MYRIP: variants seen among roughly 807,000 people sequenced by gnomAD.
MYRIP encodes rab effector MyRIP.
MYRIP carries 49 observed loss-of-function variants against 98.0 expected under a neutral mutation model. The observed-to-expected ratio is 0.50, with a 90% CI of 0.40 to 0.63. The LOEUF (loss-of-function observed/expected upper bound fraction) is 0.63, where lower values mean the gene tolerates loss of function less well. Ranked by LOEUF, MYRIP falls within the 30% of genes least tolerant of loss-of-function variation. MYRIP has a pLI of 0.00. For missense variants in MYRIP, 1,004 were observed against 1,058.2 expected (o/e 0.95, Z 0.71); for synonymous variants, 404 against 409.5 (o/e 0.99, Z 0.16).
At chr3:40,069,417 A>G (rs549885149) in intron 3 of MYRIP, among the ~76,000 whole-genome samples, 1 of 148,670 alleles carries the variant, frequency 6.7e-6, no homozygotes, top group Non-Finnish European at 1.5e-5. Flanking sequence ...TTTGCTTTTT[A>G]AAGTGTGATA....
At chr3:39,909,779 T>G (rs1231864873) in intron 2 of MYRIP, among the ~76,000 whole-genome samples, 1 of 152,198 alleles carries the variant, frequency 6.6e-6, no homozygotes, top group East Asian at 1.9e-4. Flanking sequence ...AGAGACTGTT[T>G]TGAAGATAAT....
At position 39,919,727 on chromosome 3, in the gene MYRIP, T is replaced by TGTGAGAGA. The variant is rs1553645683; in HGVS notation, c.110+18802_110+18803insTGAGAGAG. On this transcript the variant is annotated intron_variant, in intron 2 of 16. Transcript: ENST00000302541. ...GTGTGTGTGTGTGTGTGTGTGTGTGTGAGAGAGAGAGAGAGAGAGAGAAAT... is the reference window on the plus strand; with the variant it reads ...GTGTGTGTGTGTGTGTGTGTGTGTGTGTGAGAGAGAGAGAGAGAGAGAGAGAGAGAAAT... 6.5e-5 allele frequency among the ~76,000 whole-genome samples: 8 copies of TGTGAGAGA among 123,494 alleles called. 1 individual carries two copies. Among genetic ancestry groups the TGTGAGAGA allele is most frequent in the South Asian group, 5.3e-4 (2 of 3,780 alleles). The allele number at this position is 123,494 out of a possible 152,430, so 81.0% of individuals were successfully genotyped here.
chr3:40,077,905 CCGCGCCCTGCGCCCTGCGCCCG>C (rs1948384667), intron 3 of MYRIP, among the ~76,000 whole-genome samples: 1 of 150,178 alleles, frequency 6.7e-6, no homozygotes, highest in Non-Finnish European at 1.5e-5. Flanking sequence ...CCTGCCAGTC[CCGCGCCCTGCGCCCTGCGCCCG>C]CACTCCTCAG....
chr3:39,917,448 A>G (rs1032142041), intron 2 of MYRIP, among the ~76,000 whole-genome samples: 1 of 121,710 alleles, frequency 8.2e-6, no homozygotes, highest in Non-Finnish European at 1.7e-5. Context: ...AAGAAAATTT[A>G]AAAAAAATAA....
At chr3:40,075,755 T>G (rs894343486) in intron 3 of MYRIP, among the ~76,000 whole-genome samples, 12 of 150,956 alleles carry the variant, frequency 7.9e-5, no homozygotes, top group African/African-American at 2.0e-4. Flanking sequence ...GTGGAGTAAA[T>G]GAGGGAATGA....
intron 1 of MYRIP, among the ~76,000 whole-genome samples, chr3:39,833,105 G>T (rs970723852): frequency 6.6e-6 from 1 of 152,140 alleles, no homozygotes; most frequent in African/African-American, 2.4e-5. Flanking sequence ...TTGAGATAAA[G>T]TGTTTAGTGA....
chr3:39,840,748 T>C (rs1941775648), intron 1 of MYRIP, among the ~76,000 whole-genome samples: 1 of 152,246 alleles, frequency 6.6e-6, no homozygotes, highest in African/African-American at 2.4e-5. Context: ...TATGAAATTC[T>C]GGGTTGAAAA....
intron 3 of MYRIP, among the ~76,000 whole-genome samples, chr3:40,133,147 A>G (rs936665418): frequency 6.6e-6 from 1 of 152,218 alleles, no homozygotes; most frequent in Non-Finnish European, 1.5e-5. Context: ...AGTCTACATA[A>G]ACAACAACAG....
intron 11 of MYRIP, among the ~76,000 whole-genome samples, chr3:40,215,640 G>A (rs1455516438): frequency 5.3e-5 from 8 of 152,150 alleles, no homozygotes; most frequent in African/African-American, 1.4e-4. Context: ...ATAAAATCAA[G>A]TATCGTTGTC....
intron 1 of MYRIP, among the ~76,000 whole-genome samples, chr3:39,889,604 C>T (rs914583354): frequency 6.6e-6 from 1 of 152,214 alleles, no homozygotes; most frequent in East Asian, 1.9e-4. Flanking sequence ...GGGTGCAGTG[C>T]ACCAGCATGG....
intron 2 of MYRIP, among the ~76,000 whole-genome samples, chr3:40,037,988 C>T (rs1456534808): frequency 1.3e-5 from 2 of 152,040 alleles, no homozygotes; most frequent in Non-Finnish European, 2.9e-5. Flanking sequence ...TTTTGGTTAG[C>T]ATCTTGTTAT....
chr3:40,198,479 A>C (rs989466929), intron 10 of MYRIP, among the ~76,000 whole-genome samples: 4 of 152,196 alleles, frequency 2.6e-5, no homozygotes, highest in Non-Finnish European at 4.4e-5. Flanking sequence ...AATAAAAAAA[A>C]TTTCGCCATT....
chr3:39,953,322 G>T (rs1478656059), intron 2 of MYRIP, among the ~76,000 whole-genome samples: 1 of 152,088 alleles, frequency 6.6e-6, no homozygotes. Flanking sequence ...TGTTTCCAGG[G>T]TCTTGAAATA....
At chr3:39,949,709 G>C (rs1944968326) in intron 2 of MYRIP, among the ~76,000 whole-genome samples, 1 of 152,110 alleles carries the variant, frequency 6.6e-6, no homozygotes, top group South Asian at 2.1e-4. Context: ...CTGACTTTGA[G>C]CTCTTAAGGC....
At chr3:40,147,392 G>A (rs1246380327) in intron 3 of MYRIP, among the ~76,000 whole-genome samples, 1 of 151,914 alleles carries the variant, frequency 6.6e-6, no homozygotes, top group Non-Finnish European at 1.5e-5. Flanking sequence ...CTTCTATCAG[G>A]CTATCAATGA....
intron 2 of MYRIP, among the ~76,000 whole-genome samples, chr3:39,910,501 A>G (rs1363240332): frequency 1.3e-5 from 2 of 152,242 alleles, no homozygotes; most frequent in Non-Finnish European, 2.9e-5. Context: ...AGTTGGGACA[A>G]TACAGTAGCC....
chr3:39,909,747 C>T (rs1943971958), intron 2 of MYRIP, among the ~76,000 whole-genome samples: 1 of 152,084 alleles, frequency 6.6e-6, no homozygotes, highest in South Asian at 2.1e-4. Context: ...CAAATCAGGA[C>T]CTGTGGTGGG....
At chr3:40,095,718 C>T (rs897432477) in intron 3 of MYRIP, among the ~76,000 whole-genome samples, 1 of 151,984 alleles carries the variant, frequency 6.6e-6, no homozygotes, top group Non-Finnish European at 1.5e-5. Flanking sequence ...ACTAACACTG[C>T]CATCTCTCTG....
intron 3 of MYRIP, among the ~76,000 whole-genome samples, chr3:40,091,488 A>G (rs1948736732): frequency 6.6e-6 from 1 of 152,224 alleles, no homozygotes; most frequent in African/African-American, 2.4e-5. Flanking sequence ...AGTACTAGCC[A>G]CTTTTTTAAA....
Sources: gnomAD v4.1 joint callset for allele counts (sites outside exome capture counted in the v4.1 genomes callset) on GRCh38, gnomAD v4.1.1 for gene constraint, MANE v1.5 for transcripts, NCBI Gene and HGNC (gene_info 2026-07-23, HGNC 2026-07-21) for gene names.